The following FRY variants were observed in gnomAD, a reference collection of about 807,000 sequenced individuals.
FRY encodes FRY microtubule binding protein, also known as protein furry homolog.
Under a neutral mutation model 348.4 loss-of-function variants are expected in FRY, and 128 were observed. That is an observed-to-expected ratio of 0.37 (90% CI 0.32 to 0.43). The LOEUF (loss-of-function observed/expected upper bound fraction) is 0.43. FRY is among the 20% of genes least tolerant of loss of function. The pLI is 1.00. For synonymous variants in FRY, 1,370 were observed against 1,374.7 expected (o/e 1.00, Z 0.08); for missense variants, 2,736 against 3,695.2 (o/e 0.74, Z 6.73).
At chr13:32,247,231 C>A in intron 47 of FRY, 92 bp from the exon 48 acceptor site, 2 of 1,023,318 alleles carry the variant, frequency 2.0e-6, no homozygotes, top group Non-Finnish European at 3.0e-6. Context: ...TGAATTCTGA[C>A]TGGTCACTAG....
At chr13:32,072,581 T>G (rs1685416620) in intron 1 of FRY, among the ~76,000 whole-genome samples, 1 of 152,220 alleles carries the variant, frequency 6.6e-6, no homozygotes, top group African/African-American at 2.4e-5. Flanking sequence ...TTGCAGTACC[T>G]TTTTACATGC....
intron 39 of FRY, among the ~76,000 whole-genome samples, chr13:32,227,358 A>G (rs1306926689): frequency 6.6e-6 from 1 of 152,256 alleles, no homozygotes; most frequent in African/African-American, 2.4e-5. Flanking sequence ...ACTGAGATAC[A>G]GAGAATTCCA....
chr13:32,043,524 A>G (rs1446394360), intron 1 of FRY, among the ~76,000 whole-genome samples: 1 of 152,198 alleles, frequency 6.6e-6, no homozygotes, highest in Non-Finnish European at 1.5e-5. Flanking sequence ...ACCATTTGTA[A>G]GTGATGGAGC....
chr13:32,178,353 C>T lies in FRY; in HGVS notation c.2598C>T (p.Pro866=). 6.2e-7 allele frequency: 1 copy of T among 1,614,184 alleles called. No individual in the cohort carries two copies. Among genetic ancestry groups the T allele is most frequent in the Non-Finnish European group, 8.5e-7 (1 of 1,180,008 alleles). ...LFSFLRQENL[P]KHCPTALSYA... Reference sequence around the variant, plus strand: ...GCTTCCTCCGGCAGGAGAACTTACCCAAGCACTGCCCCACAGCCCTCAGCT... The same window carrying T: ...GCTTCCTCCGGCAGGAGAACTTACCTAAGCACTGCCCCACAGCCCTCAGCT... Residue 866 remains proline, a synonymous_variant, in exon 21 of 61, where the codon CCC becomes CCT. Coordinates refer to ENST00000542859, the MANE Select transcript of FRY (RefSeq NM_023037.3).
At chr13:32,182,597 GC>G (rs1256997576) in intron 23 of FRY, among the ~76,000 whole-genome samples, 2 of 152,166 alleles carry the variant, frequency 1.3e-5, no homozygotes, top group Non-Finnish European at 2.9e-5. Context: ...TCCATAGCTT[GC>G]AGTAAAGTGC....
At chr13:32,068,361 C>T (rs986627898) in intron 1 of FRY, among the ~76,000 whole-genome samples, 3 of 152,142 alleles carry the variant, frequency 2.0e-5, no homozygotes, top group Non-Finnish European at 4.4e-5. Flanking sequence ...AGTTGAAATT[C>T]AGGATTATCC....
chr13:32,242,519 A>G (rs1886568874), intron 46 of FRY, among the ~76,000 whole-genome samples: 1 of 151,728 alleles, frequency 6.6e-6, no homozygotes, highest in Admixed American at 6.6e-5. Context: ...ATAATTATTT[A>G]CTCATGTTTT....
At chr13:32,286,747 CAAAAAAAAAAAAAAAAAAAAAAA>C (rs6144991) in intron 58 of FRY, among the ~76,000 whole-genome samples, 1 of 77,490 alleles carries the variant, frequency 1.3e-5, no homozygotes, top group African/African-American at 5.8e-5. Flanking sequence ...GACTCTGTCT[CAAAAAAAAAAAAAAAAAAAAAAA>C]AAAAAAAAAA....
At chr13:32,215,225 T>C (rs1884923099) in intron 35 of FRY, among the ~76,000 whole-genome samples, 1 of 152,106 alleles carries the variant, frequency 6.6e-6, no homozygotes, top group African/African-American at 2.4e-5. Flanking sequence ...AAAAAGCTAT[T>C]CAAGTTAACA....
At chr13:32,107,794 C>G (rs960064335) in intron 3 of FRY, among the ~76,000 whole-genome samples, 1 of 152,176 alleles carries the variant, frequency 6.6e-6, no homozygotes, top group East Asian at 1.9e-4. Context: ...ATGGAGCAGG[C>G]AGCAGAGGTT....
Position 32,295,499 on chromosome 13 carries a change from T to C in FRY, c.*39T>C. ...TCCCCACTGGGTTCCAAACTGGCAG[T>C]GCTGCCATGCTGGGGCAACGTCATT... On this transcript the variant is annotated 3_prime_UTR_variant, in exon 61 of 61. Coordinates refer to ENST00000542859, the MANE Select transcript of FRY (RefSeq NM_023037.3). 1 of 1,595,286 alleles carries C rather than the reference T, an allele frequency of 6.3e-7. No homozygotes were observed. The highest frequency in any genetic ancestry group is 8.5e-7 in the Non-Finnish European group (1 of 1,170,270).
intron 1 of FRY, among the ~76,000 whole-genome samples, chr13:32,069,926 A>C (rs1307217617): frequency 1.5e-5 from 2 of 135,640 alleles, no homozygotes; most frequent in African/African-American, 5.7e-5. Flanking sequence ...GTGTGTTCTC[A>C]TTGTTCAGTT....
chr13:32,248,476 A>G (rs1010379686), intron 48 of FRY, among the ~76,000 whole-genome samples: 1 of 152,006 alleles, frequency 6.6e-6, no homozygotes, highest in Admixed American at 6.6e-5. Flanking sequence ...GCACATGTCT[A>G]CCTGTGTAAG....
intron 16 of FRY, among the ~76,000 whole-genome samples, chr13:32,159,933 C>T (rs1881345797): frequency 6.6e-6 from 1 of 152,094 alleles, no homozygotes; most frequent in African/African-American, 2.4e-5. Flanking sequence ...CTCAACAGCT[C>T]GTGCAAAAGC....
rs150361757 is a variant in FRY, at chr13:32,139,113, C to T, written c.1179+2141C>T. The stretch of plus-strand genomic sequence containing the variant: ...TGTATTGCATATATTTAGAACTAAA[C>T]CTAGTAGGGATTTGAATGGACCGTT... On this transcript the variant is annotated intron_variant, in intron 11 of 60. Transcript: ENST00000542859. Among the ~76,000 whole-genome samples, 116 of 152,182 alleles carry T rather than the reference C, an allele frequency of 7.6e-4. 1 individual carries two copies. The East Asian group carries it at 0.022, about 29-fold the overall frequency.
At chr13:32,181,483 A>G (rs1290868258) in intron 23 of FRY, among the ~76,000 whole-genome samples, 1 of 148,332 alleles carries the variant, frequency 6.7e-6, no homozygotes, top group Non-Finnish European at 1.5e-5. Context: ...AGTCCCAGCT[A>G]CTCGGGAGGC....
At chr13:32,241,540 C>G (rs985506334) in intron 46 of FRY, among the ~76,000 whole-genome samples, 1 of 152,074 alleles carries the variant, frequency 6.6e-6, no homozygotes, top group Admixed American at 6.5e-5. Flanking sequence ...TACAGAATTT[C>G]AGTTTGGGAT....
chr13:32,156,085 G>A (rs982052888), intron 15 of FRY, among the ~76,000 whole-genome samples: 11 of 152,002 alleles, frequency 7.2e-5, no homozygotes, highest in African/African-American at 2.4e-4. Flanking sequence ...ACACACATCA[G>A]GTTATATTGT....
chr13:32,218,892 G>A, intron 36 of FRY, 61 bp downstream of exon 36: 3 of 915,934 alleles, frequency 3.3e-6, no homozygotes, highest in Non-Finnish European at 3.6e-6. Context: ...GATGGAAAAT[G>A]AGTGTTCTGA....
Sources: gnomAD v4.1 joint callset for allele counts (sites outside exome capture counted in the v4.1 genomes callset) on GRCh38, gnomAD v4.1.1 for gene constraint, MANE v1.5 for transcripts, NCBI Gene and HGNC (gene_info 2026-07-23, HGNC 2026-07-21) for gene names.